Variants in PLEKHG1 observed in about 807,000 individuals in gnomAD.
PLEKHG1 encodes pleckstrin homology domain-containing family G member 1.
Under a neutral mutation model 100.8 loss-of-function variants are expected in PLEKHG1, and 44 were observed. The ratio of observed to expected loss-of-function variants is 0.44; its 90% CI spans 0.34 to 0.56. The LOEUF (loss-of-function observed/expected upper bound fraction) is 0.56. Among genes scored for constraint, PLEKHG1 ranks in the 20% least tolerant of loss-of-function variants. The pLI, the probability that PLEKHG1 is intolerant of heterozygous loss-of-function variation, is 0.01. For synonymous variants in PLEKHG1, 640 were observed against 662.5 expected (o/e 0.97, Z 0.52); for missense variants, 1,545 against 1,720.9 (o/e 0.90, Z 1.81).
At chr6:150,781,793 A>G (rs1294744595) in intron 3 of PLEKHG1, among the ~76,000 whole-genome samples, 1 of 147,838 alleles carries the variant, frequency 6.8e-6, no homozygotes, top group Non-Finnish European at 1.5e-5. Flanking sequence ...TTTTTTTGAG[A>G]TGGAGTCTCA....
At chr6:150,809,787 T>G in intron 10 of PLEKHG1, 53 bp downstream of exon 11, 1 of 1,382,054 alleles carries the variant, frequency 7.2e-7, no homozygotes, top group African/African-American at 1.4e-5. Context: ...AAGAATCATT[T>G]GAACCTGGGA....
chr6:150,807,855 G>A (rs1787228501), intron 7 of PLEKHG1, among the ~76,000 whole-genome samples: 4 of 152,142 alleles, frequency 2.6e-5, no homozygotes, highest in Admixed American at 2.6e-4. Flanking sequence ...TATAATCCCA[G>A]CTACTTGAGA....
chr6:150,711,985 C>G (rs1781257040), intron 3 of PLEKHG1, among the ~76,000 whole-genome samples: 1 of 152,132 alleles, frequency 6.6e-6, no homozygotes, highest in African/African-American at 2.4e-5. Context: ...CCATTTTAGA[C>G]CAATGATTCT....
chr6:150,605,721 T>C (rs182849073), intron 1 of PLEKHG1: 1 of 152,366 alleles, frequency 6.6e-6, no homozygotes, highest in Non-Finnish European at 1.5e-5. Flanking sequence ...GATGAGTTCC[T>C]GTTTTATCAG....
At chr6:150,722,555 T>C (rs1781753569) in intron 1 of PLEKHG1, among the ~76,000 whole-genome samples, 1 of 152,144 alleles carries the variant, frequency 6.6e-6, no homozygotes. Context: ...GGTTTCACCA[T>C]GTTAGCCAGG....
At chr6:150,760,131 T>G (rs1392857984) in intron 2 of PLEKHG1, among the ~76,000 whole-genome samples, 1 of 152,250 alleles carries the variant, frequency 6.6e-6, no homozygotes, top group African/African-American at 2.4e-5. Context: ...TTACTTAATT[T>G]TCCTTAATCA....
chr6:150,651,769 G>A (rs1429453549), intron 3 of PLEKHG1: 1 of 152,058 alleles, frequency 6.6e-6, no homozygotes, highest in African/African-American at 2.4e-5. Flanking sequence ...TGAGGCAGGA[G>A]AATCACTTGA....
In PLEKHG1 at chr6:150,632,521, G is replaced by A. The variant is rs146477363; in HGVS notation, c.-203-5559G>A. On this transcript the variant is annotated intron_variant, in intron 1 of 3. Coordinates refer to the PLEKHG1 transcript ENST00000367326. ...GTGGGCAGGTTGGAGAGGCCCCCAG[G>A]CGAGTGTTGCCTGCATTGGCCATAC... Among the ~76,000 whole-genome samples the A allele has an allele frequency of 3.3e-3, 502 of 152,372 alleles. 5 individuals carry two copies. Among genetic ancestry groups the A allele is most frequent in the African/African-American group, 0.011 (472 of 41,586 alleles).
At chr6:150,678,063 CATATATATATAT>C (rs201616866) in intron 3 of PLEKHG1, among the ~76,000 whole-genome samples, 1,932 of 60,128 alleles carry the variant, frequency 0.032, 68 homozygotes, top group African/African-American at 0.086. Flanking sequence ...TGTTTTGATG[CATATATATATAT>C]ATATATATAT....
chr6:150,778,237 C>G (rs1405213675), intron 3 of PLEKHG1, among the ~76,000 whole-genome samples: 2 of 152,192 alleles, frequency 1.3e-5, no homozygotes, highest in East Asian at 3.9e-4. Flanking sequence ...AAGCAATCCT[C>G]CCTCCTCAAC....
intron 5 of PLEKHG1, among the ~76,000 whole-genome samples, chr6:150,799,177 G>C (rs1175612940): frequency 6.6e-6 from 1 of 152,150 alleles, no homozygotes; most frequent in African/African-American, 2.4e-5. Flanking sequence ...CATATTCATA[G>C]ATAAATATTT....
chr6:150,754,181 G>T (rs76059789), intron 2 of PLEKHG1, among the ~76,000 whole-genome samples: 1,697 of 152,278 alleles, frequency 0.011, 17 homozygotes, highest in Non-Finnish European at 0.017. Context: ...GAGCCAGGTG[G>T]TGATGAGCAG....
chr6:150,685,060 G>C (rs1244152835), intron 3 of PLEKHG1, among the ~76,000 whole-genome samples: 6 of 152,158 alleles, frequency 3.9e-5, no homozygotes, highest in Admixed American at 3.9e-4. Flanking sequence ...GTTCCAAAGA[G>C]ATGGTTCCAG....
At chr6:150,842,874 T>A (rs1278088365) in exon 16 of PLEKHG1, 1 of 152,128 alleles carries the variant, frequency 6.6e-6, no homozygotes, top group East Asian at 1.9e-4. Context: ...CCACCACACC[T>A]GGCTAATTTT....
At chr6:150,703,870 C>T (rs1421120006) in intron 3 of PLEKHG1, among the ~76,000 whole-genome samples, 2 of 152,068 alleles carry the variant, frequency 1.3e-5, no homozygotes, top group Non-Finnish European at 2.9e-5. Context: ...TGAAAACTTG[C>T]AGAATTTCAT....
intron 2 of PLEKHG1, among the ~76,000 whole-genome samples, chr6:150,757,147 A>G (rs773254035): frequency 6.6e-6 from 1 of 152,056 alleles, no homozygotes; most frequent in Middle Eastern, 3.2e-3. Context: ...ACAGGCGCCC[A>G]CTACCACGCC....
At chr6:150,643,993 G>A (rs975001395) in intron 2 of PLEKHG1, among the ~76,000 whole-genome samples, 1 of 152,048 alleles carries the variant, frequency 6.6e-6, no homozygotes, top group Non-Finnish European at 1.5e-5. Context: ...TATAGAGCGT[G>A]TGTCTGTCTT....
intron 3 of PLEKHG1, among the ~76,000 whole-genome samples, chr6:150,695,491 T>A (rs1478040466): frequency 6.6e-6 from 1 of 152,214 alleles, no homozygotes; most frequent in Non-Finnish European, 1.5e-5. Flanking sequence ...TGATTCTACT[T>A]TCCTTGAAAA....
At chr6:150,712,615 G>A (rs1297218161) in intron 3 of PLEKHG1, among the ~76,000 whole-genome samples, 2 of 152,190 alleles carry the variant, frequency 1.3e-5, no homozygotes, top group Non-Finnish European at 2.9e-5. Context: ...TCAACCTGCA[G>A]TGGAACAGAG....
Sources: allele counts gnomAD v4.1 joint callset (sites outside exome capture counted in the v4.1 genomes callset), GRCh38; gene constraint gnomAD v4.1.1; transcripts MANE v1.5; gene names NCBI Gene and HGNC (gene_info 2026-07-23, HGNC 2026-07-21).